PDE8A: variants seen among roughly 807,000 people sequenced by gnomAD.
PDE8A encodes phosphodiesterase 8A.
Under a neutral mutation model 105.0 loss-of-function variants are expected in PDE8A, and 59 were observed. That is an observed-to-expected ratio of 0.56 (90% CI 0.46 to 0.70). PDE8A has a LOEUF of 0.70. PDE8A is among the 30% of genes least tolerant of loss of function. The pLI is 0.00. For missense variants in PDE8A, 1,014 were observed against 1,045.9 expected, an observed-to-expected ratio of 0.97 and a Z score of 0.42; for synonymous variants, 355 against 371.9, an observed-to-expected ratio of 0.95 and a Z score of 0.52.
intron 15 of PDE8A, 22 bp downstream of exon 15, chr15:85,115,509 T>C (rs907621744): frequency 2.3e-6 from 3 of 1,295,000 alleles, no homozygotes; most frequent in Non-Finnish European, 3.2e-6. Context: ...CTTTTTAATT[T>C]CTTAGATCAC....
chr15:85,115,465 T>C lies in PDE8A; in HGVS notation c.1377T>C (p.Asn459=). 6.5e-7 allele frequency: 1 copy of C among 1,537,728 alleles called. No individual in the cohort carries two copies. Among genetic ancestry groups the C allele is most frequent in the South Asian group, 1.2e-5 (1 of 80,556 alleles). Residue 459 remains asparagine (N), a synonymous_variant, in exon 15 of 22, where the codon AAT becomes AAC. Transcript: ENST00000394553. The part of the protein sequence containing the change: ...MSDGLRRLSG[N]EYVLSTKNTQ... ...ATGGTTTGCGAAGACTATCAGGGAA[T>C]GAATATGTTCTTTCAACAAAAAGTA...
At chr15:85,033,719 G>T (rs28393234) in intron 1 of PDE8A, among the ~76,000 whole-genome samples, 2 of 152,138 alleles carry the variant, frequency 1.3e-5, no homozygotes, top group Admixed American at 6.5e-5. Flanking sequence ...ACAAAAATTA[G>T]CTGGGCGTGG....
chr15:85,006,200 A>T (rs2080144391), intron 1 of PDE8A, among the ~76,000 whole-genome samples: 1 of 152,156 alleles, frequency 6.6e-6, no homozygotes, highest in Non-Finnish European at 1.5e-5. Flanking sequence ...CCAGCATGGC[A>T]CATGTATACA....
At chr15:85,081,907 G>A (rs553732829) in intron 5 of PDE8A, among the ~76,000 whole-genome samples, 2 of 152,178 alleles carry the variant, frequency 1.3e-5, no homozygotes, top group South Asian at 4.2e-4. Context: ...GCATGCATGG[G>A]AATCCATTTG....
rs1468171400 is a variant in PDE8A at position 85,070,805 on chromosome 15, A to G, written c.434+3601A>G. Among the ~76,000 whole-genome samples the G allele has an allele frequency of 3.9e-5, 6 of 152,224 alleles. No homozygotes were observed. In the East Asian group the frequency reaches 1.2e-3, roughly 29 times the overall value. ...GTTGAAACACTGATAGATTCTGCGC[A>G]GGAAAGTGTTGAGCAGGATAGAAAA... On this transcript the variant is annotated intron_variant, in intron 3 of 21. Coordinates refer to ENST00000394553, the MANE Select transcript of PDE8A (RefSeq NM_002605.3).
At chr15:85,098,222 C>G (rs963756236) in intron 9 of PDE8A, among the ~76,000 whole-genome samples, 186 bp downstream of exon 9, 2 of 152,230 alleles carry the variant, frequency 1.3e-5, no homozygotes, top group African/African-American at 4.8e-5. Flanking sequence ...CCTCTACTTG[C>G]AGCCCAGAGC....
At chr15:85,009,892 C>T (rs895387822) in intron 1 of PDE8A, among the ~76,000 whole-genome samples, 1 of 152,142 alleles carries the variant, frequency 6.6e-6, no homozygotes, top group African/African-American at 2.4e-5. Context: ...CATAGTTCAT[C>T]AGAAGAATAA....
chr15:85,055,083 C>T (rs1043841659), intron 1 of PDE8A, among the ~76,000 whole-genome samples: 7 of 111,106 alleles, frequency 6.3e-5, no homozygotes, highest in African/African-American at 1.9e-4. Flanking sequence ...AGTAGTCATT[C>T]GGGAGCAGGT....
intron 1 of PDE8A, among the ~76,000 whole-genome samples, chr15:85,019,895 C>T (rs1490718566): frequency 1.4e-5 from 2 of 144,174 alleles, no homozygotes; most frequent in Admixed American, 7.0e-5. Flanking sequence ...GTGTATGTTT[C>T]GAAAAGGCTC....
chr15:85,015,428 A>G (rs750779686), intron 1 of PDE8A, among the ~76,000 whole-genome samples: 2 of 151,980 alleles, frequency 1.3e-5, no homozygotes, highest in East Asian at 1.9e-4. Flanking sequence ...GCAGGTCTCA[A>G]AACTACTGGG....
rs1452121831 is a variant in PDE8A at position 85,113,935 on chromosome 15, C to T, written c.1248C>T (p.Asp416=). 2.5e-6 allele frequency: 4 copies of T among 1,613,244 alleles called. No individual in the cohort carries two copies. Among genetic ancestry groups the T allele is most frequent in the African/African-American group, 1.3e-5 (1 of 75,020 alleles). The change falls in exon 14 of 22, where the codon GAC becomes GAT. Residue 416 remains aspartate, a synonymous_variant. Coordinates refer to ENST00000394553, the MANE Select transcript of PDE8A (RefSeq NM_002605.3). The part of the protein sequence containing the change: ...SSPMPVTEAL[D]RVLEILRTTE... ...CCATGCCTGTGACAGAAGCCCTAGACCGTGTGCTGGAAATTCTAAGAACCA... is the reference window on the plus strand; with the variant it reads ...CCATGCCTGTGACAGAAGCCCTAGATCGTGTGCTGGAAATTCTAAGAACCA...
At chr15:85,064,118 TA>T in intron 1 of PDE8A, 1 of 419,786 alleles carries the variant, frequency 2.4e-6, no homozygotes, top group Non-Finnish European at 4.2e-6. Context: ...ATGTAGCTAG[TA>T]AAAGGCAAAG....
chr15:84,988,169 G>A (rs2079833423), intron 1 of PDE8A, among the ~76,000 whole-genome samples: 2 of 152,224 alleles, frequency 1.3e-5, no homozygotes, highest in African/African-American at 4.8e-5. Context: ...CCAGAGGTTA[G>A]AAACTTGTCC....
intron 6 of PDE8A, among the ~76,000 whole-genome samples, chr15:85,087,759 T>A (rs2081578475): frequency 6.6e-6 from 1 of 152,216 alleles, no homozygotes; most frequent in Non-Finnish European, 1.5e-5. Context: ...GAAAGATTAA[T>A]GTATAGTGTG....
At chr15:84,993,035 T>A (rs538068620) in intron 1 of PDE8A, among the ~76,000 whole-genome samples, 3 of 151,416 alleles carry the variant, frequency 2.0e-5, no homozygotes, top group African/African-American at 4.9e-5. Context: ...ATTTAGGGAG[T>A]TTTTAAAAAA....
intron 4 of PDE8A, 87 bp downstream of exon 4, chr15:85,076,005 G>GTTATT: frequency 1.4e-6 from 1 of 726,944 alleles, no homozygotes; most frequent in Non-Finnish European, 2.4e-6. Flanking sequence ...CTTGCATGCT[G>GTTATT]TGTCAGGCAT....
chr15:85,130,151 T>G (rs1485519050), intron 20 of PDE8A, among the ~76,000 whole-genome samples: 1 of 152,024 alleles, frequency 6.6e-6, no homozygotes, highest in Non-Finnish European at 1.5e-5. Context: ...GCAGGGGGAA[T>G]TGCCACACTT....
intron 1 of PDE8A, among the ~76,000 whole-genome samples, chr15:84,997,159 T>TC (rs2079992453): frequency 6.6e-6 from 1 of 152,204 alleles, no homozygotes; most frequent in Non-Finnish European, 1.5e-5. Flanking sequence ...GTATTTTTTT[T>TC]CTTCACATAC....
At chr15:85,131,066 T>A (rs2082323792) in intron 20 of PDE8A, among the ~76,000 whole-genome samples, 1 of 152,196 alleles carries the variant, frequency 6.6e-6, no homozygotes, top group Non-Finnish European at 1.5e-5. Context: ...CTGTAACAGT[T>A]TTTGACATAA....
Sources: gnomAD v4.1 joint callset for allele counts (sites outside exome capture counted in the v4.1 genomes callset) on GRCh38, gnomAD v4.1.1 for gene constraint, MANE v1.5 for transcripts, NCBI Gene and HGNC (gene_info 2026-07-23, HGNC 2026-07-21) for gene names.